The following FRY variants were observed in gnomAD, a reference collection of about 807,000 sequenced individuals.
The protein encoded by FRY is protein furry homolog.
In FRY, 128 loss-of-function variants were observed where a neutral mutation model predicts 348.4. The observed-to-expected ratio is 0.37, with a 90% CI of 0.32 to 0.43. The LOEUF (loss-of-function observed/expected upper bound fraction) is 0.43. FRY is among the 20% of genes least tolerant of loss of function. The pLI, the probability that FRY is intolerant of heterozygous loss-of-function variation, is 1.00. For missense variants in FRY, 2,736 were observed against 3,695.2 expected (o/e 0.74, Z 6.73); for synonymous variants, 1,370 against 1,374.7 (o/e 1.00, Z 0.08).
At chr13:32,058,207 C>T (rs1422932611) in intron 1 of FRY, among the ~76,000 whole-genome samples, 4 of 151,944 alleles carry the variant, frequency 2.6e-5, no homozygotes, top group African/African-American at 4.8e-5. Flanking sequence ...TTGGAATCAT[C>T]GGGGAGCCAA....
intron 11 of FRY, among the ~76,000 whole-genome samples, chr13:32,146,653 C>T (rs970853044): frequency 2.0e-5 from 3 of 152,144 alleles, no homozygotes; most frequent in Non-Finnish European, 4.4e-5. Flanking sequence ...GGAATCCTTT[C>T]CTGACCCCAT....
Position 32,247,468 on chromosome 13 carries a change from G to A in FRY, c.6974G>A (p.Gly2325Glu). ...ACTAGTGCTTCCAAGGAATTACCTGGGAAAACCCTGGACTTCCACTTCGAT... is the reference window on the plus strand; with the variant it reads ...ACTAGTGCTTCCAAGGAATTACCTGAGAAAACCCTGGACTTCCACTTCGAT... Reference protein sequence around the residue: ...VWTSASKELPGKTLDFHFDIS... With the variant: ...VWTSASKELPEKTLDFHFDIS... Residue 2325 changes from glycine to glutamate, a missense_variant, in exon 48 of 61, where the codon GGG (glycine) becomes GAG (glutamate). Coordinates refer to ENST00000542859, the MANE Select transcript of FRY (RefSeq NM_023037.3). 6.2e-7 allele frequency: 1 copy of A among 1,613,586 alleles called. No individual in the cohort carries two copies. Among genetic ancestry groups the A allele is most frequent in the Non-Finnish European group, 8.5e-7 (1 of 1,179,580 alleles).
chr13:32,233,053 TAAAG>T (rs1886005675), intron 41 of FRY, among the ~76,000 whole-genome samples: 1 of 152,086 alleles, frequency 6.6e-6, no homozygotes, highest in Non-Finnish European at 1.5e-5. Context: ...ATAAACAAAA[TAAAG>T]ACATAAAAAG....
intron 2 of FRY, among the ~76,000 whole-genome samples, chr13:32,096,343 C>A (rs927406825): frequency 6.6e-6 from 1 of 151,688 alleles, no homozygotes; most frequent in African/African-American, 2.4e-5. Context: ...ATGGAGGAGA[C>A]AGACAAGTTA....
At chr13:32,270,332 C>A (rs1437698519) in intron 55 of FRY, among the ~76,000 whole-genome samples, 3 of 151,908 alleles carry the variant, frequency 2.0e-5, no homozygotes, top group South Asian at 2.1e-4. Flanking sequence ...CGCAGCCTCC[C>A]GAGTAGCTGG....
intron 1 of FRY, among the ~76,000 whole-genome samples, chr13:32,054,740 T>A (rs1324894866): frequency 6.6e-6 from 1 of 152,120 alleles, no homozygotes; most frequent in Non-Finnish European, 1.5e-5. Context: ...CCGGGCATGG[T>A]GGTGGACACC....
chr13:32,157,395 G>A lies in FRY; in HGVS notation c.1774G>A (p.Asp592Asn). 1.9e-6 allele frequency: 3 copies of A among 1,613,500 alleles called. No homozygotes were observed. Among genetic ancestry groups the A allele is most frequent in the Non-Finnish European group, 2.5e-6 (3 of 1,179,586 alleles). Residue 592 changes from aspartate to asparagine, a missense_variant, in exon 16 of 61, where the codon GAC becomes AAC. This residue lies in a region of FRY where 191 missense variants were observed against 370.2 expected (regional missense o/e 0.52). Coordinates refer to ENST00000542859, the MANE Select transcript of FRY (RefSeq NM_023037.3). ...NVQMLNKEPE[D>N]MITGERKPKI... ...ACAGATGTTAAACAAAGAACCGGAA[G>A]ACATGATCACGTGAGTACAGTAAAG...
intron 35 of FRY, 59 bp from the exon 36 acceptor site, chr13:32,218,690 A>G: frequency 1.0e-6 from 1 of 978,416 alleles, no homozygotes. Flanking sequence ...AAAAAAAAAA[A>G]AAAAAAGCGC....
intron 55 of FRY, among the ~76,000 whole-genome samples, chr13:32,271,188 G>A (rs1023960434): frequency 6.6e-6 from 1 of 152,176 alleles, no homozygotes; most frequent in Admixed American, 6.5e-5. Flanking sequence ...TTTCCAGGTG[G>A]AAAAGGAGTA....
rs1204891729 is a variant in FRY, at chr13:32,134,799, G to A, written c.886-105G>A. 5.0e-6 allele frequency: 4 copies of A among 794,916 alleles called. No individual in the cohort carries two copies. The East Asian group carries it at 9.7e-5, about 19-fold the overall frequency. The allele number at this position is 794,916 out of a possible 1,614,324, so 49.2% of individuals were successfully genotyped here. ...AATAGACTATGGAATATGCTCTGTT[G>A]ATACATGATTGAATTAAGAGCTACT... On this transcript the variant is annotated intron_variant, in intron 8 of 60. Transcript: ENST00000542859.
At chr13:32,147,995 C>T in intron 13 of FRY, 48 bp downstream of exon 13, 1 of 1,023,308 alleles carries the variant, frequency 9.8e-7, no homozygotes, top group Non-Finnish European at 1.6e-6. Context: ...GGTTTTTCAG[C>T]AGCCAGCCTC....
intron 1 of FRY, among the ~76,000 whole-genome samples, chr13:32,072,113 G>A (rs776812369): frequency 4.6e-5 from 7 of 152,062 alleles, no homozygotes; most frequent in South Asian, 2.1e-4. Context: ...ATACTAATTC[G>A]TCTGGAGATA....
At chr13:32,114,104 C>T (rs1190909323) in intron 3 of FRY, among the ~76,000 whole-genome samples, 1 of 152,102 alleles carries the variant, frequency 6.6e-6, no homozygotes, top group Non-Finnish European at 1.5e-5. Flanking sequence ...ATGCATTGCC[C>T]AGAGATGTTT....
chr13:32,135,051 A>G (rs902949639), intron 9 of FRY, 34 bp from the exon 10 acceptor site: 1 of 1,544,838 alleles, frequency 6.5e-7, no homozygotes, highest in Non-Finnish European at 9.0e-7. Context: ...CAACAATTTT[A>G]TTAATATAAT....
rs1478867719 is a variant in FRY at position 32,294,625 on chromosome 13, A to ACT, written c.8783+58_8783+59dup. The ACT allele has an allele frequency of 2.3e-6, 3 of 1,328,814 alleles. No homozygotes were observed. In the African/African-American group the frequency reaches 4.3e-5, roughly 19 times the overall value. The allele number at this position is 1,328,814 out of a possible 1,614,324, so 82.3% of individuals were successfully genotyped here. On this transcript the variant is annotated intron_variant, in intron 60 of 60. Coordinates refer to ENST00000542859, the MANE Select transcript of FRY (RefSeq NM_023037.3). ...TGCAGGAAATGCACACCTGGTTGTT[A>ACT]CTCTGTCATGGTTGGAGTCTAGCCC... is the stretch of plus-strand genomic sequence containing the variant.
At chr13:32,094,696 T>C (rs1028203487) in intron 2 of FRY, among the ~76,000 whole-genome samples, 2 of 152,240 alleles carry the variant, frequency 1.3e-5, no homozygotes, top group African/African-American at 4.8e-5. Flanking sequence ...ATCTCATTTC[T>C]TTTTTATGGC....
At chr13:32,173,302 A>G in intron 18 of FRY, 65 bp from the exon 19 acceptor site, 1 of 1,236,662 alleles carries the variant, frequency 8.1e-7, no homozygotes, top group Non-Finnish European at 1.2e-6. Context: ...TATGTAAAAC[A>G]TGAGTGTATT....
rs559474770 is a variant in FRY at position 32,155,927 on chromosome 13, C to T, written c.1651+265C>T. On this transcript the variant is annotated intron_variant, in intron 15 of 60. Coordinates refer to ENST00000542859, the MANE Select transcript of FRY (RefSeq NM_023037.3). Reference sequence around the variant, plus strand: ...TTAAAGCCTCTAATAATGATTACTACGTTTTTCAGTAAGTCTCCAAGACAT... The same window carrying T: ...TTAAAGCCTCTAATAATGATTACTATGTTTTTCAGTAAGTCTCCAAGACAT... Among the ~76,000 whole-genome samples the T allele has an allele frequency of 3.5e-4, 54 of 152,236 alleles. 1 individual carries two copies. The highest frequency in any genetic ancestry group is 9.9e-4 in the African/African-American group (41 of 41,556).
intron 28 of FRY, among the ~76,000 whole-genome samples, chr13:32,189,962 A>G (rs948503130): frequency 2.0e-4 from 30 of 152,150 alleles, no homozygotes; most frequent in Non-Finnish European, 3.5e-4. Context: ...ACCATGGTCA[A>G]ATTGGGTTTA....
Sources: allele counts gnomAD v4.1 joint callset (sites outside exome capture counted in the v4.1 genomes callset), GRCh38; gene constraint gnomAD v4.1.1; regional missense constraint gnomAD v4.1.1; transcripts MANE v1.5; gene names NCBI Gene and HGNC (gene_info 2026-07-23, HGNC 2026-07-21).